VAV3: variants seen among roughly 807,000 people sequenced by gnomAD.
VAV3 encodes guanine nucleotide exchange factor VAV3.
VAV3 carries 94 observed loss-of-function variants against 131.2 expected under a neutral mutation model. The ratio of observed to expected loss-of-function variants is 0.72; its 90% CI spans 0.61 to 0.85. VAV3 has a LOEUF of 0.85. Among genes scored for constraint, VAV3 ranks in the 40% least tolerant of loss-of-function variants. The probability of loss-of-function intolerance (pLI) is 0.00; values close to 1 mark genes in which losing one functional copy is unlikely to be tolerated. For missense variants in VAV3, 939 were observed against 1,002.7 expected (o/e 0.94, Z 0.86); for synonymous variants, 349 against 342.0 (o/e 1.02, Z -0.22).
At chr1:107,595,636 A>G (rs888906045) in intron 25 of VAV3, among the ~76,000 whole-genome samples, 2 of 152,200 alleles carry the variant, frequency 1.3e-5, no homozygotes. Flanking sequence ...TTAGACTCAC[A>G]GTCCAACCAT....
rs375667378 is a variant in VAV3, at chr1:107,728,600, C to CGTATACGTATAT, written c.1502+20367_1502+20368insATATACGTATAC. Among the ~76,000 whole-genome samples, 1,300 of 136,908 alleles carry CGTATACGTATAT rather than the reference C, an allele frequency of 9.5e-3. 18 individuals carry two copies. Among genetic ancestry groups the CGTATACGTATAT allele is most frequent in the South Asian group, 0.016 (59 of 3,790 alleles). The allele number at this position is 136,908 out of a possible 152,430, so 89.8% of individuals were successfully genotyped here. ...GAGGACAGTCATATGTATACGTATA[C>CGTATACGTATAT]GTATATGTATATGTATATGTATATG... is the stretch of plus-strand genomic sequence containing the variant. On this transcript the variant is annotated intron_variant, in intron 15 of 26. Coordinates refer to ENST00000370056, the MANE Select transcript of VAV3 (RefSeq NM_006113.5).
At chr1:107,898,800 TAAA>T (rs1671727607) in intron 1 of VAV3, among the ~76,000 whole-genome samples, 1 of 152,112 alleles carries the variant, frequency 6.6e-6, no homozygotes, top group African/African-American at 2.4e-5. Flanking sequence ...TACATGAACA[TAAA>T]AAACAAAACA....
At chr1:107,895,988 A>G (rs1383313111) in intron 1 of VAV3, among the ~76,000 whole-genome samples, 1 of 152,194 alleles carries the variant, frequency 6.6e-6, no homozygotes, top group Non-Finnish European at 1.5e-5. Context: ...AATGTGGCCC[A>G]GCGGGGATCC....
chr1:107,748,711 C>T (rs1189760235), intron 15 of VAV3, among the ~76,000 whole-genome samples: 1 of 151,944 alleles, frequency 6.6e-6, no homozygotes, highest in Non-Finnish European at 1.5e-5. Context: ...TAAAACATGC[C>T]TATAAGAAAG....
intron 1 of VAV3, among the ~76,000 whole-genome samples, chr1:107,886,883 G>T (rs752133616): frequency 2.1e-4 from 32 of 151,558 alleles, no homozygotes; most frequent in Non-Finnish European, 4.1e-4. Flanking sequence ...CCATGGGAAA[G>T]AAAAACTATC....
intron 2 of VAV3, among the ~76,000 whole-genome samples, chr1:107,843,987 A>G (rs1198930487): frequency 1.3e-5 from 2 of 152,054 alleles, no homozygotes; most frequent in African/African-American, 4.8e-5. Flanking sequence ...ACTAACCTAT[A>G]AGAGACTTTA....
In VAV3 at chr1:107,660,741, G is replaced by C. The variant is rs72975651; in HGVS notation, c.1778-17986C>G. Among the ~76,000 whole-genome samples the C allele has an allele frequency of 3.6e-3, 544 of 152,236 alleles. 5 individuals are homozygous for C. Among genetic ancestry groups the C allele is most frequent in the African/African-American group, 0.012 (515 of 41,552 alleles). ...CCAATGCTTATTTTCTGCTTGGAAT[G>C]TGAACAACATAATAAACAAGGCAGT... On this transcript the variant is annotated intron_variant, in intron 19 of 26. Transcript: ENST00000370056.
At chr1:107,675,781 CA>C (rs1206275624) in intron 19 of VAV3, among the ~76,000 whole-genome samples, 1 of 152,068 alleles carries the variant, frequency 6.6e-6, no homozygotes, top group Admixed American at 6.6e-5. Flanking sequence ...CAGTAGATAA[CA>C]GTAGAAAAAA....
chr1:107,952,582 T>A (rs1674609219), intron 1 of VAV3, among the ~76,000 whole-genome samples: 1 of 151,276 alleles, frequency 6.6e-6, no homozygotes, highest in Non-Finnish European at 1.5e-5. Flanking sequence ...ATTAGTGGTA[T>A]AATGTACACA....
intron 20 of VAV3, among the ~76,000 whole-genome samples, chr1:107,619,424 T>C (rs914112419): frequency 1.3e-5 from 2 of 152,158 alleles, no homozygotes; most frequent in African/African-American, 4.8e-5. Flanking sequence ...TATAATGGTT[T>C]GTTTTCAGCA....
At chr1:107,803,875 G>A (rs1666940163) in intron 2 of VAV3, among the ~76,000 whole-genome samples, 1 of 151,774 alleles carries the variant, frequency 6.6e-6, no homozygotes, top group Admixed American at 6.6e-5. Flanking sequence ...TTACTTTATT[G>A]CAATCTATCT....
At chr1:107,704,039 A>G (rs1287622974) in intron 17 of VAV3, among the ~76,000 whole-genome samples, 2 of 152,148 alleles carry the variant, frequency 1.3e-5, no homozygotes, top group African/African-American at 4.8e-5. Context: ...AACCCAAAAG[A>G]TATATGCTCT....
At chr1:107,614,222 T>C (rs952880814) in intron 21 of VAV3, among the ~76,000 whole-genome samples, 1 of 152,030 alleles carries the variant, frequency 6.6e-6, no homozygotes, top group Non-Finnish European at 1.5e-5. Context: ...GAAATGAAGT[T>C]GACCCATTTA....
chr1:107,709,966 C>T (rs555463080), intron 15 of VAV3, among the ~76,000 whole-genome samples: 1 of 152,270 alleles, frequency 6.6e-6, no homozygotes, highest in East Asian at 1.9e-4. Flanking sequence ...TAATCGTACT[C>T]ATACATATAT....
chr1:107,897,890 T>C (rs922800980), intron 1 of VAV3, among the ~76,000 whole-genome samples: 1 of 152,174 alleles, frequency 6.6e-6, no homozygotes, highest in African/African-American at 2.4e-5. Flanking sequence ...CTTGCTCTTT[T>C]CCCTACACTG....
intron 1 of VAV3, among the ~76,000 whole-genome samples, chr1:107,936,520 A>C (rs906346686): frequency 6.6e-5 from 10 of 152,302 alleles, no homozygotes; most frequent in South Asian, 4.1e-4. Context: ...GACAAAAATT[A>C]CTGCTGCCCT....
rs72979685 is a variant in VAV3, at chr1:107,767,837, T to C, written c.717+604A>G. On this transcript the variant is annotated intron_variant, in intron 7 of 26. Transcript: ENST00000370056. ...TCTAGATTTCTGGGCAAATATCCTT[T>C]TAAGATTGTAAGATTCTGGTAAGGT... 4.0e-3 allele frequency among the ~76,000 whole-genome samples: 616 copies of C among 152,324 alleles called. 2 individuals are homozygous for C. The highest frequency in any genetic ancestry group is 0.014 in the African/African-American group (590 of 41,582).
chr1:107,777,407 A>AG (rs1329470731), intron 3 of VAV3, 111 bp from the exon 4 acceptor site: 1 of 955,186 alleles, frequency 1.0e-6, no homozygotes, highest in Non-Finnish European at 1.6e-6. Context: ...TGCTGCCAAA[A>AG]TGGTCAGATC....
intron 2 of VAV3, among the ~76,000 whole-genome samples, chr1:107,818,671 C>A: frequency 6.6e-6 from 1 of 152,216 alleles, no homozygotes; most frequent in African/African-American, 2.4e-5. Context: ...AATAATAACA[C>A]ATGAATGTAA....
Sources: allele counts gnomAD v4.1 joint callset (sites outside exome capture counted in the v4.1 genomes callset), GRCh38; gene constraint gnomAD v4.1.1; transcripts MANE v1.5; gene names NCBI Gene and HGNC (gene_info 2026-07-23, HGNC 2026-07-21).